The following NAALADL2 variants were observed in gnomAD, a reference collection of about 807,000 sequenced individuals.
NAALADL2 encodes N-acetylated alpha-linked acidic dipeptidase like 2.
A neutral mutation model predicts 87.2 loss-of-function variants in NAALADL2; 76 were observed. The ratio of observed to expected loss-of-function variants is 0.87; its 90% confidence interval spans 0.72 to 1.05. The LOEUF is 1.05. NAALADL2 is among the 50% of genes least tolerant of loss of function. The probability of loss-of-function intolerance (pLI) is 0.00; values close to 1 mark genes in which losing one functional copy is unlikely to be tolerated. For synonymous variants in NAALADL2, 354 were observed against 331.0 expected (o/e 1.07, Z -0.75); for missense variants, 1,089 against 945.8 (o/e 1.15, Z -1.99).
At chr3:174,818,104 A>G (rs1347223231) in intron 3 of NAALADL2, among the ~76,000 whole-genome samples, 2 of 152,176 alleles carry the variant, frequency 1.3e-5, no homozygotes, top group African/African-American at 4.8e-5. Flanking sequence ...TTAAAAGGAC[A>G]CAGGCTGTGC....
intron 1 of NAALADL2, among the ~76,000 whole-genome samples, chr3:174,462,146 T>C (rs1489417368): frequency 6.6e-6 from 1 of 152,044 alleles, no homozygotes; most frequent in Non-Finnish European, 1.5e-5. Flanking sequence ...AGTAGTTTGC[T>C]TATATGAGAA....
intron 6 of NAALADL2, among the ~76,000 whole-genome samples, chr3:175,459,493 TAGA>T (rs1350666005): frequency 2.7e-5 from 4 of 150,374 alleles, no homozygotes; most frequent in African/African-American, 7.4e-5. Flanking sequence ...GAAACAATAT[TAGA>T]AGAAGGAAAA....
intron 4 of NAALADL2, among the ~76,000 whole-genome samples, chr3:175,313,377 A>T (rs912474777): frequency 6.6e-6 from 1 of 152,152 alleles, no homozygotes; most frequent in Non-Finnish European, 1.5e-5. Context: ...ATCTACATGA[A>T]GATTCAGAAA....
At chr3:175,573,646 C>A (rs1234276556) in intron 9 of NAALADL2, among the ~76,000 whole-genome samples, 1 of 152,166 alleles carries the variant, frequency 6.6e-6, no homozygotes, top group Non-Finnish European at 1.5e-5. Flanking sequence ...GTTTGTTTTT[C>A]ATGTTCTAGT....
At chr3:175,353,783 C>G (rs1764045308) in intron 5 of NAALADL2, among the ~76,000 whole-genome samples, 1 of 152,184 alleles carries the variant, frequency 6.6e-6, no homozygotes, top group African/African-American at 2.4e-5. Flanking sequence ...TTTCACTCAT[C>G]ATATTTTGTC....
intron 2 of NAALADL2, among the ~76,000 whole-genome samples, chr3:174,627,505 A>G (rs1206157476): frequency 6.6e-6 from 1 of 152,240 alleles, no homozygotes; most frequent in East Asian, 1.9e-4. Flanking sequence ...TTAGTACAAC[A>G]TCTGTGGGAA....
intron 2 of NAALADL2, among the ~76,000 whole-genome samples, chr3:174,681,343 AGTGAGACGTCAGCTGGG>A (rs988199327): frequency 4.6e-5 from 7 of 152,282 alleles, no homozygotes; most frequent in African/African-American, 1.7e-4. Context: ...CACATGACCT[AGTGAGACGTCAGCTGGG>A]GTGGCCAAGA....
At chr3:175,052,818 A>T (rs1755591558) in intron 1 of NAALADL2, among the ~76,000 whole-genome samples, 2 of 152,178 alleles carry the variant, frequency 1.3e-5, no homozygotes, top group Middle Eastern at 3.2e-3. Flanking sequence ...GGGCCATATC[A>T]TTTGAGGTTG....
At chr3:175,162,297 C>A (rs879196550) in intron 2 of NAALADL2, among the ~76,000 whole-genome samples, 1 of 152,110 alleles carries the variant, frequency 6.6e-6, no homozygotes, top group Non-Finnish European at 1.5e-5. Context: ...GTTGTGTATA[C>A]CTTCCCCCTT....
chr3:175,245,369 T>G (rs1747775915), intron 3 of NAALADL2, among the ~76,000 whole-genome samples: 1 of 152,222 alleles, frequency 6.6e-6, no homozygotes, highest in Admixed American at 6.5e-5. Flanking sequence ...ATTTTGTCTG[T>G]TGACTTTGGA....
At chr3:174,804,484 C>A (rs1388772008) in intron 3 of NAALADL2, among the ~76,000 whole-genome samples, 1 of 152,090 alleles carries the variant, frequency 6.6e-6, no homozygotes, top group Non-Finnish European at 1.5e-5. Flanking sequence ...ATTGCCCTAG[C>A]CAGAACTTCC....
At position 175,096,805 on chromosome 3, in the gene NAALADL2, A is replaced by C; in HGVS notation, c.59A>C (p.Tyr20Ser). The C allele has an allele frequency of 6.5e-7, 1 of 1,526,912 alleles. No individual in the cohort carries two copies. Among genetic ancestry groups the C allele is most frequent in the African/African-American group, 1.4e-5 (1 of 71,748 alleles). The allele number at this position is 1,526,912 out of a possible 1,614,324, so 94.6% of individuals were successfully genotyped here. A position where few individuals can be genotyped will look rare whatever the true frequency, so the allele number is the denominator to read the frequency against. ...ATTTTCACAGGTAAAAAGATGGCCT[A>C]TCAGAAGGTCCATGCAGATCAAAGA... ...NTSLQGKKMA[Y>S]QKVHADQRAP... is the part of the protein sequence containing the mutation. The change falls in exon 2 of 14, where the codon TAT becomes TCT. Residue 20 changes from tyrosine to serine, a missense_variant. Tyr to Ser is a moderately radical substitution (Grantham distance 144). Transcript: ENST00000454872.
At chr3:174,954,532 A>C (rs974722404) in intron 1 of NAALADL2, among the ~76,000 whole-genome samples, 13 of 152,040 alleles carry the variant, frequency 8.6e-5, no homozygotes, top group Non-Finnish European at 1.8e-4. Flanking sequence ...TTGGATGCTA[A>C]CACTTTGGCC....
chr3:175,777,066 A>C (rs1227395487), intron 13 of NAALADL2, among the ~76,000 whole-genome samples: 1 of 151,358 alleles, frequency 6.6e-6, no homozygotes, highest in Non-Finnish European at 1.5e-5. Flanking sequence ...TAAGGAGGAA[A>C]ATTTATTTGC....
chr3:175,412,782 A>C (rs1361666939), intron 5 of NAALADL2, among the ~76,000 whole-genome samples: 1 of 151,534 alleles, frequency 6.6e-6, no homozygotes, highest in South Asian at 2.1e-4. Flanking sequence ...AAATTTCAAT[A>C]AACATCAGCC....
chr3:174,558,023 C>T (rs774944396), intron 2 of NAALADL2, among the ~76,000 whole-genome samples: 5 of 152,148 alleles, frequency 3.3e-5, no homozygotes, highest in Non-Finnish European at 7.3e-5. Flanking sequence ...CTCTGCCTGG[C>T]ATGTACCAAA....
chr3:175,320,458 C>T (rs1416175048), intron 4 of NAALADL2, among the ~76,000 whole-genome samples: 2 of 152,216 alleles, frequency 1.3e-5, no homozygotes, highest in East Asian at 3.9e-4. Context: ...GTGTAAATTC[C>T]TCAGTTGCTA....
At chr3:174,840,790 G>T (rs1434204364) in intron 3 of NAALADL2, among the ~76,000 whole-genome samples, 1 of 152,100 alleles carries the variant, frequency 6.6e-6, no homozygotes, top group African/African-American at 2.4e-5. Flanking sequence ...CCGTAGGAAA[G>T]ACAGCAGCCA....
At chr3:175,041,617 C>T (rs979495046) in intron 1 of NAALADL2, among the ~76,000 whole-genome samples, 1 of 152,048 alleles carries the variant, frequency 6.6e-6, no homozygotes, top group African/African-American at 2.4e-5. Context: ...CATGCATTTC[C>T]TTAACATGTT....
Sources: allele counts gnomAD v4.1 joint callset (sites outside exome capture counted in the v4.1 genomes callset), GRCh38; gene constraint gnomAD v4.1.1; transcripts MANE v1.5; gene names NCBI Gene and HGNC (gene_info 2026-07-23, HGNC 2026-07-21).